QTMAN: variants seen among roughly 807,000 people sequenced by gnomAD.
The protein encoded by QTMAN is queuosine-tRNA mannosyltransferase, also known as tRNA-queuosine alpha-mannosyltransferase.
the QTMAN span, among the ~76,000 whole-genome samples, chr2:144,058,409 A>G: frequency 6.6e-6 from 1 of 152,192 alleles, no homozygotes; most frequent in Non-Finnish European, 1.5e-5. Flanking sequence ...AGAGTGCCCA[A>G]TCTATTGGTA....
the QTMAN span, among the ~76,000 whole-genome samples, chr2:144,077,465 C>T: frequency 6.6e-6 from 1 of 152,218 alleles, no homozygotes; most frequent in African/African-American, 2.4e-5. Context: ...ATCTATACCT[C>T]CAGATACTGA....
chr2:144,280,425 C>T, the QTMAN span, among the ~76,000 whole-genome samples: 1 of 152,142 alleles, frequency 6.6e-6, no homozygotes, highest in African/African-American at 2.4e-5. Context: ...GCAAAATCAA[C>T]AGCATAGATG....
the QTMAN span, among the ~76,000 whole-genome samples, chr2:144,299,863 A>G: frequency 6.6e-6 from 1 of 152,254 alleles, no homozygotes; most frequent in Non-Finnish European, 1.5e-5. Flanking sequence ...AAAAAGTAGA[A>G]GAGTCCATCA....
At chr2:144,104,482 T>C in the QTMAN span, among the ~76,000 whole-genome samples, 2 of 151,984 alleles carry the variant, frequency 1.3e-5, no homozygotes, top group African/African-American at 4.8e-5. Flanking sequence ...GCTTGGAGGG[T>C]CCCACGCTCA....
At chr2:144,311,229 C>T in the QTMAN span, among the ~76,000 whole-genome samples, 7 of 152,124 alleles carry the variant, frequency 4.6e-5, no homozygotes, top group Non-Finnish European at 7.4e-5. Context: ...CTAGAGAGAG[C>T]TTTAAAAAAC....
the QTMAN span, among the ~76,000 whole-genome samples, chr2:144,230,650 AC>A: frequency 6.6e-6 from 1 of 152,282 alleles, no homozygotes; most frequent in African/African-American, 2.4e-5. Context: ...ATAGGGAAAT[AC>A]CCATTGTTGC....
the QTMAN span, among the ~76,000 whole-genome samples, chr2:143,984,147 G>C: frequency 6.6e-6 from 1 of 152,142 alleles, no homozygotes; most frequent in Non-Finnish European, 1.5e-5. Context: ...ATTGTACCAA[G>C]TCACCTTCAT....
the QTMAN span, among the ~76,000 whole-genome samples, chr2:144,320,465 A>G: frequency 9.2e-5 from 14 of 152,206 alleles, no homozygotes; most frequent in Non-Finnish European, 1.6e-4. Context: ...ACTACAATGC[A>G]GACAGCTCTA....
At chr2:144,194,897 A>C in the QTMAN span, among the ~76,000 whole-genome samples, 1 of 152,142 alleles carries the variant, frequency 6.6e-6, no homozygotes, top group Non-Finnish European at 1.5e-5. Context: ...GGATTTCCCC[A>C]CCACTACCCC....
chr2:144,002,245 G>A, the QTMAN span, among the ~76,000 whole-genome samples: 2 of 151,910 alleles, frequency 1.3e-5, no homozygotes, highest in South Asian at 4.1e-4. Flanking sequence ...GTAATAAAAT[G>A]AGAAACACAC....
the QTMAN span, among the ~76,000 whole-genome samples, chr2:144,036,259 G>A: frequency 6.6e-6 from 1 of 152,324 alleles, no homozygotes; most frequent in Non-Finnish European, 1.5e-5. Context: ...ATACTTGGAT[G>A]AGAAAGTTAG....
chr2:144,141,317 G>A, the QTMAN span, among the ~76,000 whole-genome samples: 1 of 150,750 alleles, frequency 6.6e-6, no homozygotes. Context: ...CAGCAGCAAG[G>A]GTAATAAAAA....
the QTMAN span, among the ~76,000 whole-genome samples, chr2:144,220,212 T>C: frequency 5.9e-5 from 9 of 152,180 alleles, no homozygotes; most frequent in African/African-American, 2.2e-4. Context: ...GGCATATTAT[T>C]AGCTACCCAC....
the QTMAN span, among the ~76,000 whole-genome samples, chr2:144,192,379 T>A: frequency 1.3e-5 from 2 of 152,150 alleles, no homozygotes; most frequent in Non-Finnish European, 1.5e-5. Flanking sequence ...AGTACTGGGA[T>A]TACAAACATA....
chr2:144,214,803 G>A, the QTMAN span, among the ~76,000 whole-genome samples: 5 of 152,186 alleles, frequency 3.3e-5, no homozygotes, highest in African/African-American at 9.7e-5. Context: ...ATTTTCAAAT[G>A]TGCTTTTCCA....
At chr2:144,020,070 T>C in the QTMAN span, among the ~76,000 whole-genome samples, 2 of 151,836 alleles carry the variant, frequency 1.3e-5, no homozygotes, top group African/African-American at 4.8e-5. Flanking sequence ...ACTCGTAACA[T>C]GAAATAAACA....
chr2:144,100,869 T>C, the QTMAN span, among the ~76,000 whole-genome samples: 10 of 128,330 alleles, frequency 7.8e-5, no homozygotes, highest in Admixed American at 4.5e-4. Context: ...CTTTTTTTTT[T>C]TTTTTTTTTT....
chr2:144,221,531 A>C, the QTMAN span, among the ~76,000 whole-genome samples: 1 of 152,214 alleles, frequency 6.6e-6, no homozygotes. Flanking sequence ...ATAAATGATC[A>C]TTTGAGGTAA....
chr2:144,103,158 C>T, the QTMAN span, among the ~76,000 whole-genome samples: 2 of 152,182 alleles, frequency 1.3e-5, no homozygotes, highest in South Asian at 4.1e-4. Context: ...AATATAGAAA[C>T]CCCTTACTAA....
Sources: allele counts gnomAD v4.1 joint callset (sites outside exome capture counted in the v4.1 genomes callset), GRCh38; gene constraint gnomAD v4.1.1; transcripts MANE v1.5; gene names NCBI Gene and HGNC (gene_info 2026-07-23, HGNC 2026-07-21).